The following MOK variants were observed in gnomAD, a reference collection of about 807,000 sequenced individuals.
MOK encodes MAPK/MAK/MRK overlapping kinase.
A neutral mutation model predicts 54.2 loss-of-function variants in MOK; 59 were observed. The observed-to-expected ratio is 1.09, with a 90% confidence interval of 0.88 to 1.35. MOK has a LOEUF of 1.35. Ranked by LOEUF, MOK falls within the 40% of genes most tolerant of loss-of-function variation. The probability of loss-of-function intolerance (pLI) is 0.00; values close to 1 mark genes in which losing one functional copy is unlikely to be tolerated. For synonymous variants in MOK, 210 were observed against 202.7 expected (o/e 1.04, Z -0.31); for missense variants, 517 against 526.2 (o/e 0.98, Z 0.17).
intron 2 of MOK, among the ~76,000 whole-genome samples, chr14:102,282,902 A>T (rs1037791200): frequency 3.3e-4 from 50 of 152,016 alleles, no homozygotes; most frequent in African/African-American, 1.2e-3. Flanking sequence ...AAAAAAAATA[A>T]TAATTAGCCG....
At position 102,275,380 on chromosome 14, in the gene MOK, C is replaced by T. The variant is rs1003743029; in HGVS notation, c.122+8098G>A. 3.9e-5 allele frequency among the ~76,000 whole-genome samples: 6 copies of T among 151,958 alleles called. No homozygotes were observed. In the South Asian group the frequency reaches 6.2e-4, roughly 16 times the overall value. On this transcript the variant is annotated intron_variant, in intron 2 of 11. Coordinates refer to ENST00000361847, the MANE Select transcript of MOK (RefSeq NM_014226.3). ...GAGATCGAGACCATCCTGGCTAACA[C>T]GGTGAAACCCCGTCTCTATTAAAAA...
chr14:102,278,357 G>GTATATACTTT (rs2069079047), intron 2 of MOK, among the ~76,000 whole-genome samples: 3 of 150,022 alleles, frequency 2.0e-5, no homozygotes, highest in Admixed American at 2.0e-4. Context: ...ATATGCTTGA[G>GTATATACTTT]GTTTTTCATA....
intron 1 of MOK, among the ~76,000 whole-genome samples, chr14:102,296,515 A>C (rs534540974): frequency 1.2e-3 from 182 of 152,238 alleles, no homozygotes; most frequent in Non-Finnish European, 2.3e-3. Flanking sequence ...AAATAGGGGA[A>C]GGTCCTGAGG....
At chr14:102,252,715 A>G (rs554517604) in intron 4 of MOK, among the ~76,000 whole-genome samples, 1 of 152,278 alleles carries the variant, frequency 6.6e-6, no homozygotes, top group East Asian at 1.9e-4. Context: ...CTTTGAATTG[A>G]CCATATTCAG....
intron 2 of MOK, among the ~76,000 whole-genome samples, chr14:102,278,886 A>G (rs2069133712): frequency 6.6e-6 from 1 of 152,212 alleles, no homozygotes; most frequent in Admixed American, 6.6e-5. Context: ...TCTGTTATGG[A>G]AAAACTGATT....
intron 7 of MOK, 28 bp from the exon 8 acceptor site, chr14:102,233,817 C>A: frequency 6.5e-7 from 1 of 1,550,052 alleles, no homozygotes; most frequent in South Asian, 1.1e-5. Context: ...GCACTGTGGT[C>A]AGTGTTAGGG....
At position 102,275,099 on chromosome 14, in the gene MOK, TAG is replaced by T. The variant is rs555390190; in HGVS notation, c.122+8377_122+8378del. Among the ~76,000 whole-genome samples, 22 of 152,126 alleles carry T rather than the reference TAG, an allele frequency of 1.4e-4. No homozygotes were observed. In the South Asian group the frequency reaches 4.1e-3, roughly 29 times the overall value. ...AGTCAAAGAGAGCAATGAAACAGAA[TAG>T]AGAGTCCAAAACAGACCTATACTTT... On this transcript the variant is annotated intron_variant, in intron 2 of 11. Coordinates refer to ENST00000361847, the MANE Select transcript of MOK (RefSeq NM_014226.3).
chr14:102,264,983 A>G (rs2067782254), intron 3 of MOK, among the ~76,000 whole-genome samples: 1 of 152,222 alleles, frequency 6.6e-6, no homozygotes, highest in African/African-American at 2.4e-5. Flanking sequence ...GCTGTCAGGA[A>G]GAAGGCTTCC....
chr14:102,282,104 G>A (rs909476167), intron 2 of MOK, among the ~76,000 whole-genome samples: 2 of 152,112 alleles, frequency 1.3e-5, no homozygotes, highest in Admixed American at 6.6e-5. Context: ...CAGATGTCAT[G>A]AGGATGAAAT....
At chr14:102,304,213 G>C (rs1450566459) in intron 1 of MOK, among the ~76,000 whole-genome samples, 1 of 152,110 alleles carries the variant, frequency 6.6e-6, no homozygotes, top group Non-Finnish European at 1.5e-5. Flanking sequence ...TCACAGCAAA[G>C]GTCTGAATTT....
chr14:102,219,936 T>A (rs1197200739), downstream of MOK, among the ~76,000 whole-genome samples: 2 of 152,218 alleles, frequency 1.3e-5, no homozygotes, highest in African/African-American at 2.4e-5. Flanking sequence ...GGCATGAAGG[T>A]GGTTCTAGTT....
At chr14:102,265,608 A>G (rs893489083) in intron 3 of MOK, among the ~76,000 whole-genome samples, 2 of 152,166 alleles carry the variant, frequency 1.3e-5, no homozygotes, top group Middle Eastern at 3.4e-3. Flanking sequence ...TCCAGCCTGC[A>G]TGACAGAGAG....
chr14:102,230,224 G>A lies in MOK; in HGVS notation c.982-567C>T, dbSNP rs534132283. 4 of 155,266 alleles carry A rather than the reference G, an allele frequency of 2.6e-5. No homozygotes were observed. The East Asian group carries it at 5.8e-4, about 22-fold the overall frequency. The allele number at this position is 155,266 out of a possible 1,614,324, so 9.6% of individuals were successfully genotyped here. On this transcript the variant is annotated intron_variant, in intron 10 of 11. Coordinates refer to ENST00000361847, the MANE Select transcript of MOK (RefSeq NM_014226.3). The surrounding 1 kb of genome is among the most constrained non-coding windows in gnomAD (Gnocchi z 4.1). ...CCCAGCTAATTTTTAAAACAGATGG[G>A]GTGGTGGGGCAGTGGTCTTGCCTAC...
intron 4 of MOK, among the ~76,000 whole-genome samples, chr14:102,261,143 G>C (rs749693955): frequency 6.6e-5 from 10 of 150,872 alleles, no homozygotes; most frequent in Non-Finnish European, 1.2e-4. Flanking sequence ...TGCAGTCCCA[G>C]CTACTCAGGA....
downstream of MOK, chr14:102,225,765 CTG>C (rs2064217554): frequency 6.3e-6 from 1 of 159,192 alleles, no homozygotes; most frequent in Non-Finnish European, 1.4e-5. Flanking sequence ...TGCCTCGTAA[CTG>C]TTCCCACCAC....
At chr14:102,222,925 C>T (rs760446407), downstream of MOK, 15 of 1,612,428 alleles carry the variant, frequency 9.3e-6, no homozygotes, top group East Asian at 4.5e-5. The surrounding 1 kb of genome is among the most constrained non-coding windows in gnomAD (Gnocchi z 4.4). Flanking sequence ...GACTTGGACT[C>T]GAGGGAGTGA....
Position 102,233,696 on chromosome 14 carries a change from C to G in MOK, c.684G>C (p.Lys228Asn). The G allele has an allele frequency of 1.2e-6, 2 of 1,612,880 alleles. No homozygotes were observed. Among genetic ancestry groups the G allele is most frequent in the Non-Finnish European group, 1.7e-6 (2 of 1,178,858 alleles). ...CAGAACACAATACTTACTGTTTGAA[C>G]TTGGTGAGGATCTTCTGAGCGGGTG... is the stretch of plus-strand genomic sequence containing the variant. The part of the protein sequence containing the change: ...IGTPAQKILT[K>N]FKQSRAMNFD... Residue 228 changes from lysine to asparagine, a missense_variant, in exon 8 of 12, where the codon AAG becomes AAC. Coordinates refer to ENST00000361847, the MANE Select transcript of MOK (RefSeq NM_014226.3).
chr14:102,304,897 C>T, intron 1 of MOK, 65 bp downstream of exon 1: 4 of 1,529,030 alleles, frequency 2.6e-6, no homozygotes, highest in Non-Finnish European at 3.6e-6. Context: ...CCTCAAGCTC[C>T]CCCAGTCCCT....
At chr14:102,247,922 TTC>T (rs1387477981) in intron 7 of MOK, among the ~76,000 whole-genome samples, 1 of 152,244 alleles carries the variant, frequency 6.6e-6, no homozygotes, top group African/African-American at 2.4e-5. Flanking sequence ...ATAACCATTC[TTC>T]TTTTTCTAGC....
Sources: allele counts gnomAD v4.1 joint callset (sites outside exome capture counted in the v4.1 genomes callset), GRCh38; gene constraint gnomAD v4.1.1; non-coding constraint Gnocchi (gnomAD v3.1); transcripts MANE v1.5; gene names NCBI Gene and HGNC (gene_info 2026-07-23, HGNC 2026-07-21).